TNR: variants seen among roughly 807,000 people sequenced by gnomAD.
TNR encodes tenascin R, also known as tenascin-R.
A neutral mutation model predicts 150.4 loss-of-function variants in TNR; 45 were observed. That is an observed-to-expected ratio of 0.30 (90% CI 0.24 to 0.38). The LOEUF (loss-of-function observed/expected upper bound fraction) is 0.38. TNR is among the 10% of genes least tolerant of loss of function. The probability of loss-of-function intolerance (pLI) is 1.00; values close to 1 mark genes in which losing one functional copy is unlikely to be tolerated. For synonymous variants in TNR, 687 were observed against 678.4 expected (o/e 1.01, Z -0.20); for missense variants, 1,544 against 1,759.1 (o/e 0.88, Z 2.19).
chr1:175,531,605 G>A (rs1660069450), intron 1 of TNR, among the ~76,000 whole-genome samples: 1 of 152,162 alleles, frequency 6.6e-6, no homozygotes, highest in Non-Finnish European at 1.5e-5. Flanking sequence ...AAAGTAAAGA[G>A]CATGCTGACC....
chr1:175,367,521 C>T (rs953143604), intron 9 of TNR, among the ~76,000 whole-genome samples: 1 of 152,166 alleles, frequency 6.6e-6, no homozygotes, highest in African/African-American at 2.4e-5. Flanking sequence ...TGCAGGCAGG[C>T]TCTCTGGGAA....
intron 1 of TNR, among the ~76,000 whole-genome samples, chr1:175,726,151 G>T (rs1194108039): frequency 6.6e-6 from 1 of 152,018 alleles, no homozygotes; most frequent in African/African-American, 2.4e-5. Context: ...AGTGCTATTG[G>T]GTATGCTAAA....
At chr1:175,729,362 A>G (rs1667566578) in intron 1 of TNR, among the ~76,000 whole-genome samples, 1 of 152,162 alleles carries the variant, frequency 6.6e-6, no homozygotes. Flanking sequence ...ATTTTCTTAA[A>G]TAAGCCACAG....
intron 1 of TNR, among the ~76,000 whole-genome samples, chr1:175,596,797 A>T (rs754567405): frequency 7.9e-5 from 12 of 152,192 alleles, no homozygotes; most frequent in Non-Finnish European, 1.5e-4. Context: ...CATAAAGCTC[A>T]GCCTTTTTGA....
Position 175,391,403 on chromosome 1 carries a change from G to C in TNR, c.1392C>G (p.Ser464Arg). 6.2e-7 allele frequency: 1 copy of C among 1,614,166 alleles called. No homozygotes were observed. Among genetic ancestry groups the C allele is most frequent in the Non-Finnish European group, 8.5e-7 (1 of 1,180,022 alleles). Residue 464 changes from serine to arginine, a missense_variant, in exon 7 of 23, where the codon AGC becomes AGG. Ser to Arg is a moderately radical substitution (Grantham distance 110, BLOSUM62 -1). This residue lies in a region of TNR where 1,254 missense variants were observed against 1,329.4 expected (regional missense o/e 0.94). Coordinates refer to ENST00000367674, the MANE Select transcript of TNR (RefSeq NM_003285.3). ...NEGGVIAQVP[S>R]DVTSFNQTGL... is the part of the protein sequence containing the mutation. The stretch of plus-strand genomic sequence containing the variant: ...CTGTCTGGTTAAAGGACGTAACATC[G>C]CTGGGGACCTGAGCAATCACTCCCC...
At position 175,612,633 on chromosome 1, in the gene TNR, G is replaced by A. The variant is rs73050465; in HGVS notation, c.-164-84264C>T. Among the ~76,000 whole-genome samples the A allele has an allele frequency of 8.5e-3, 1,298 of 152,182 alleles. 13 individuals are homozygous for A. Among genetic ancestry groups the A allele is most frequent in the African/African-American group, 0.03 (1,235 of 41,490 alleles). On this transcript the variant is annotated intron_variant, in intron 1 of 22. Transcript: ENST00000367674. The stretch of plus-strand genomic sequence containing the variant: ...CACTTTTCTTCACATATAAAATAAT[G>A]CAGCAGTTTTACAAATGAAATAAGG...
intron 1 of TNR, among the ~76,000 whole-genome samples, chr1:175,673,648 G>A (rs564078859): frequency 2.0e-5 from 3 of 152,322 alleles, no homozygotes; most frequent in South Asian, 2.1e-4. Flanking sequence ...CTTGCTTCCT[G>A]CCCCTCAGGG....
intron 1 of TNR, among the ~76,000 whole-genome samples, chr1:175,534,198 G>A (rs559266233): frequency 6.6e-6 from 1 of 152,326 alleles, no homozygotes; most frequent in African/African-American, 2.4e-5. Context: ...AGGACTCACA[G>A]GGTTGGGTGT....
rs536922751 is a variant in TNR, at chr1:175,478,595, C to T, written c.-64+49674G>A. Among the ~76,000 whole-genome samples the T allele has an allele frequency of 3.7e-4, 56 of 151,950 alleles. 1 individual carries two copies. In the South Asian group the frequency reaches 0.011, roughly 31 times the overall value. ...CCAGCCCAGCCTCCTCTGGGGACAC[C>T]TAGCCTCCCTACATTAAAAAAAAAA... On this transcript the variant is annotated intron_variant, in intron 2 of 22. Coordinates refer to ENST00000367674, the MANE Select transcript of TNR (RefSeq NM_003285.3).
At chr1:175,328,671 A>G (rs897477863) in intron 21 of TNR, among the ~76,000 whole-genome samples, 1 of 152,248 alleles carries the variant, frequency 6.6e-6, no homozygotes, top group Non-Finnish European at 1.5e-5. Flanking sequence ...TGTTGGCAGG[A>G]TCTGCCTCTG....
At chr1:175,729,121 TA>T (rs1317783123) in intron 1 of TNR, among the ~76,000 whole-genome samples, 1 of 152,212 alleles carries the variant, frequency 6.6e-6, no homozygotes, top group African/African-American at 2.4e-5. Context: ...GGCTATTTTT[TA>T]TTCTCCTTAG....
intron 2 of TNR, among the ~76,000 whole-genome samples, chr1:175,432,929 T>C (rs1021011241): frequency 2.0e-5 from 3 of 152,208 alleles, no homozygotes; most frequent in African/African-American, 7.2e-5. Context: ...GTAAGTTGAT[T>C]ATAATGTGGG....
At chr1:175,648,865 T>A (rs1051851156) in intron 1 of TNR, among the ~76,000 whole-genome samples, 1 of 152,114 alleles carries the variant, frequency 6.6e-6, no homozygotes, top group East Asian at 1.9e-4. Flanking sequence ...ACCCTTGCTA[T>A]CTCCCGGACG....
At chr1:175,418,808 G>A (rs2102060299) in intron 2 of TNR, among the ~76,000 whole-genome samples, 1 of 152,226 alleles carries the variant, frequency 6.6e-6, no homozygotes, top group Non-Finnish European at 1.5e-5. Flanking sequence ...ATAGTACAAT[G>A]TAGGGGTGAT....
intron 2 of TNR, among the ~76,000 whole-genome samples, chr1:175,426,275 A>G (rs1464804754): frequency 1.3e-5 from 2 of 152,152 alleles, no homozygotes; most frequent in African/African-American, 4.8e-5. Flanking sequence ...ACATGAGGCG[A>G]GGTCTAATTT....
chr1:175,462,311 A>T (rs1656854945), intron 2 of TNR, among the ~76,000 whole-genome samples: 1 of 152,218 alleles, frequency 6.6e-6, no homozygotes, highest in African/African-American at 2.4e-5. Flanking sequence ...CACAGAAGCA[A>T]CTTGAACAAT....
intron 20 of TNR, among the ~76,000 whole-genome samples, chr1:175,331,115 T>TTCTTTCTTTCCTTC (rs1649857759): frequency 1.6e-5 from 1 of 62,776 alleles, no homozygotes; most frequent in African/African-American, 6.4e-5. Flanking sequence ...CTCTCTTTCT[T>TTCTTTCTTTCCTTC]TTCTTTCTTT....
chr1:175,466,468 G>A (rs540945558), intron 2 of TNR, among the ~76,000 whole-genome samples: 8 of 152,306 alleles, frequency 5.3e-5, no homozygotes, highest in African/African-American at 1.9e-4. Flanking sequence ...GGAGATTTGT[G>A]TGCTGCTGAC....
At chr1:175,496,467 T>C (rs1658491820) in intron 2 of TNR, among the ~76,000 whole-genome samples, 1 of 152,242 alleles carries the variant, frequency 6.6e-6, no homozygotes, top group Non-Finnish European at 1.5e-5. Context: ...GGCTGCCATA[T>C]GCAGAAGCAT....
Sources: gnomAD v4.1 joint callset for allele counts (sites outside exome capture counted in the v4.1 genomes callset) on GRCh38, gnomAD v4.1.1 for gene constraint, gnomAD v4.1.1 regional missense constraint, MANE v1.5 for transcripts, NCBI Gene and HGNC (gene_info 2026-07-23, HGNC 2026-07-21) for gene names.